The following DNAJB6 variants were observed in gnomAD, a reference collection of about 807,000 sequenced individuals.
The protein encoded by DNAJB6 is DnaJ heat shock protein family (Hsp40) member B6, also known as dnaJ homolog subfamily B member 6.
DNAJB6 carries 16 observed loss-of-function variants against 42.7 expected under a neutral mutation model. The observed-to-expected ratio is 0.37, with a 90% CI of 0.25 to 0.57. The LOEUF (loss-of-function observed/expected upper bound fraction) is 0.57. DNAJB6 is among the 20% of genes least tolerant of loss of function. The probability of loss-of-function intolerance (pLI) is 0.74; values close to 1 mark genes in which losing one functional copy is unlikely to be tolerated. For synonymous variants in DNAJB6, 170 were observed against 163.5 expected, an observed-to-expected ratio of 1.04 and a Z score of -0.30; for missense variants, 347 against 416.8, an observed-to-expected ratio of 0.83 and a Z score of 1.46.
intron 8 of DNAJB6, among the ~76,000 whole-genome samples, chr7:157,398,827 C>G (rs1351515121): frequency 1.3e-5 from 2 of 152,222 alleles, no homozygotes; most frequent in African/African-American, 4.8e-5. Flanking sequence ...AGTAAATTAT[C>G]TATGGGCTGT....
At chr7:157,403,941 A>AG (rs1019021564) in intron 8 of DNAJB6, among the ~76,000 whole-genome samples, 3 of 151,954 alleles carry the variant, frequency 2.0e-5, no homozygotes, top group Admixed American at 6.6e-5. Flanking sequence ...CTGTTTCTTG[A>AG]GGGTGGGAAG....
chr7:157,376,189 A>C (rs1800462259), intron 5 of DNAJB6, among the ~76,000 whole-genome samples: 1 of 152,130 alleles, frequency 6.6e-6, no homozygotes, highest in African/African-American at 2.4e-5. Flanking sequence ...CCACTTCCTC[A>C]GTGTTCTTCA....
At chr7:157,341,634 A>T (rs997507377) in intron 1 of DNAJB6, among the ~76,000 whole-genome samples, 1 of 152,174 alleles carries the variant, frequency 6.6e-6, no homozygotes, top group Admixed American at 6.5e-5. Context: ...ACTAATACTT[A>T]TTCCTCTCTG....
chr7:157,339,280 C>CTT (rs1798214978), intron 1 of DNAJB6, among the ~76,000 whole-genome samples: 4 of 116,504 alleles, frequency 3.4e-5, no homozygotes, highest in African/African-American at 9.1e-5. Context: ...TCTGTTTGCA[C>CTT]CTTTTTTTTT....
chr7:157,353,425 A>G (rs888841270), intron 1 of DNAJB6, among the ~76,000 whole-genome samples: 1 of 152,128 alleles, frequency 6.6e-6, no homozygotes, highest in Non-Finnish European at 1.5e-5. Flanking sequence ...AGCAGTTGAC[A>G]CCGCTACAGT....
chr7:157,405,964 G>A (rs936132255), intron 8 of DNAJB6, among the ~76,000 whole-genome samples: 5 of 152,384 alleles, frequency 3.3e-5, no homozygotes, highest in Admixed American at 3.3e-4. Flanking sequence ...GGAGGTGATG[G>A]CTTCGCCTGG....
At chr7:157,360,290 T>C (rs1799513661) in intron 2 of DNAJB6, among the ~76,000 whole-genome samples, 1 of 152,120 alleles carries the variant, frequency 6.6e-6, no homozygotes, top group Non-Finnish European at 1.5e-5. Flanking sequence ...CATCAGGTCT[T>C]GTGAGGCTTA....
At chr7:157,353,138 G>A (rs1165016419) in intron 1 of DNAJB6, among the ~76,000 whole-genome samples, 3 of 150,386 alleles carry the variant, frequency 2.0e-5, no homozygotes, top group African/African-American at 7.3e-5. Context: ...GTGTTGCCAA[G>A]GCTGGTCTTG....
intron 1 of DNAJB6, among the ~76,000 whole-genome samples, chr7:157,348,348 C>T (rs1451141529): frequency 1.3e-5 from 2 of 152,190 alleles, no homozygotes; most frequent in Admixed American, 1.3e-4. Context: ...CCCGTCTTGG[C>T]CTCCCAAAGT....
At chr7:157,366,404 A>G in intron 3 of DNAJB6, 98 bp from the exon 4 acceptor site, 1 of 1,141,038 alleles carries the variant, frequency 8.8e-7, no homozygotes, top group East Asian at 2.4e-5. Flanking sequence ...TCAGTTGTAA[A>G]ACATCGAAAA....
rs117302498 is a variant in DNAJB6 at position 157,404,435 on chromosome 7, G to A, written c.692-5360G>A. 4.7e-3 allele frequency among the ~76,000 whole-genome samples: 709 copies of A among 149,464 alleles called. 13 individuals are homozygous for A. The highest frequency in any genetic ancestry group is 0.04 in the East Asian group (203 of 5,088). On this transcript the variant is annotated intron_variant, in intron 8 of 9. Coordinates refer to ENST00000262177, the MANE Select transcript of DNAJB6 (RefSeq NM_058246.4). ...GCCTCCAGAGCGGCTGGGACTGTAG[G>A]CGTGCAACAGCGCACTGGGCTAATT...
At chr7:157,379,388 C>T (rs531909841) in intron 5 of DNAJB6, 4 of 152,276 alleles carry the variant, frequency 2.6e-5, no homozygotes, top group Middle Eastern at 3.4e-3. Flanking sequence ...AGGATGTAAA[C>T]GTAGAGTTTA....
chr7:157,403,806 G>A (rs1322178739), intron 8 of DNAJB6, among the ~76,000 whole-genome samples: 2 of 152,218 alleles, frequency 1.3e-5, no homozygotes, highest in Non-Finnish European at 2.9e-5. Flanking sequence ...TTGCCCTGGG[G>A]CTTTAGGGGG....
intron 5 of DNAJB6, among the ~76,000 whole-genome samples, chr7:157,369,883 GC>G (rs746289256): frequency 7.1e-5 from 10 of 141,406 alleles, no homozygotes; most frequent in Non-Finnish European, 9.6e-5. Context: ...TATTAAACAG[GC>G]CCCTTCTCAA....
chr7:157,389,656 T>TG (rs1444280942), intron 8 of DNAJB6, among the ~76,000 whole-genome samples: 1 of 152,170 alleles, frequency 6.6e-6, no homozygotes, highest in Non-Finnish European at 1.5e-5. Flanking sequence ...ATGGTTGAAA[T>TG]GGGGTAGACC....
chr7:157,396,202 G>A (rs1488669427), intron 8 of DNAJB6, among the ~76,000 whole-genome samples: 4 of 152,140 alleles, frequency 2.6e-5, no homozygotes, highest in African/African-American at 7.2e-5. Flanking sequence ...GCCCGCTTCA[G>A]CCTCCCAAAG....
intron 1 of DNAJB6, among the ~76,000 whole-genome samples, chr7:157,351,626 C>CT (rs1363174684): frequency 2.1e-5 from 3 of 145,706 alleles, no homozygotes; most frequent in African/African-American, 7.7e-5. Context: ...TAGTGAGACT[C>CT]TGTCTCAAAA....
At chr7:157,375,487 A>G (rs984935508) in intron 5 of DNAJB6, among the ~76,000 whole-genome samples, 5 of 152,236 alleles carry the variant, frequency 3.3e-5, no homozygotes, top group Admixed American at 1.3e-4. Flanking sequence ...TAGAAATTAT[A>G]CTTGTAATAA....
rs573838297 is a variant in DNAJB6, at chr7:157,362,848, C to T, written c.66-313C>T. 4.0e-5 allele frequency among the ~76,000 whole-genome samples: 6 copies of T among 151,816 alleles called. No individual in the cohort carries two copies. The South Asian group carries it at 1.0e-3, about 26-fold the overall frequency. On this transcript the variant is annotated intron_variant, in intron 2 of 9. Coordinates refer to ENST00000262177, the MANE Select transcript of DNAJB6 (RefSeq NM_058246.4). The stretch of plus-strand genomic sequence containing the variant: ...TAATTTTGAGACAGTCTTGTTCTGT[C>T]GCCCAGGCTGGACTGCAGTGGTGTG...
Sources: gnomAD v4.1 joint callset for allele counts (sites outside exome capture counted in the v4.1 genomes callset) on GRCh38, gnomAD v4.1.1 for gene constraint, MANE v1.5 for transcripts, NCBI Gene and HGNC (gene_info 2026-07-23, HGNC 2026-07-21) for gene names.